Variants in TF observed in about 807,000 individuals in gnomAD.
TF encodes the protein transferrin.
In TF, 55 loss-of-function variants were observed where a neutral mutation model predicts 82.4. The ratio of observed to expected loss-of-function variants is 0.67; its 90% CI spans 0.54 to 0.84. The LOEUF is 0.84. Ranked by LOEUF, TF falls within the 40% of genes least tolerant of loss-of-function variation. The pLI is 0.00. For missense variants in TF, 737 were observed against 868.4 expected (o/e 0.85, Z 1.90); for synonymous variants, 332 against 332.6 (o/e 1.00, Z 0.02).
chr3:133,756,080 T>G (rs1428342003), intron 5 of TF, among the ~76,000 whole-genome samples: 1 of 152,194 alleles, frequency 6.6e-6, no homozygotes, highest in Non-Finnish European at 1.5e-5. Flanking sequence ...TTCTTTGGGT[T>G]ATGAGGGCTT....
At position 133,786,550 on chromosome 3, in the gene TF, G is replaced by A. The variant is rs1934692385; in HGVS notation, c.*7930G>A. ...TATCTGGGTATATTGTGGATCTAAA[G>A]GACAAATGAGTCCTGACTTTACATC... On this transcript the variant is annotated 3_prime_UTR_variant, in exon 17 of 17. Transcript: ENST00000402696. The A allele has an allele frequency of 6.6e-6, 1 of 152,172 alleles. No individual in the cohort carries two copies. The highest frequency in any genetic ancestry group is 1.5e-5 in the Non-Finnish European group (1 of 68,024). The allele number at this position is 152,172 out of a possible 1,614,324, so 9.4% of individuals were successfully genotyped here.
the TF span, among the ~76,000 whole-genome samples, chr3:133,679,696 T>G: frequency 6.6e-6 from 1 of 151,412 alleles, no homozygotes; most frequent in African/African-American, 2.4e-5. Context: ...TTACCACAGC[T>G]TATTCACCCA....
Position 133,753,660 on chromosome 3 carries a change from T to A in TF, c.282T>A (p.Asn94Lys), listed in dbSNP as rs764707467. ...TGTATGATGCTTACCTGGCTCCCAATAACCTGAAGCCTGTGGTGGCAGAGT... is the reference window on the plus strand; with the variant it reads ...TGTATGATGCTTACCTGGCTCCCAAAAACCTGAAGCCTGTGGTGGCAGAGT... ...GLVYDAYLAP[N>K]NLKPVVAEFY... is the part of the protein sequence containing the mutation. The change falls in exon 3 of 17, where the codon AAT becomes AAA. Residue 94 changes from asparagine (N) to lysine (K), a missense_variant. Transcript: ENST00000402696. The A allele has an allele frequency of 7.4e-6, 12 of 1,614,180 alleles. No homozygotes were observed. Among genetic ancestry groups the A allele is most frequent in the South Asian group, 3.3e-5 (3 of 91,082 alleles).
the TF span, among the ~76,000 whole-genome samples, chr3:133,701,619 G>A: frequency 6.6e-6 from 1 of 152,282 alleles, no homozygotes; most frequent in East Asian, 1.9e-4. Flanking sequence ...ATGCTTCCTG[G>A]ATGGGGAGCC....
the TF span, among the ~76,000 whole-genome samples, chr3:133,734,144 T>C: frequency 6.6e-6 from 1 of 152,118 alleles, no homozygotes; most frequent in Non-Finnish European, 1.5e-5. Context: ...AACTCATGGT[T>C]GTGTAAGGGT....
rs1421932326 is a variant in TF, at chr3:133,768,316, G to A, written c.1622+152G>A. The A allele has an allele frequency of 2.3e-5, 25 of 1,087,578 alleles. No homozygotes were observed. In the East Asian group the frequency reaches 5.7e-4, roughly 25 times the overall value. 67.4% of individuals were successfully genotyped at this position (1,087,578 alleles called of 1,614,324 possible). On this transcript the variant is annotated intron_variant, in intron 13 of 16. Transcript: ENST00000402696. The stretch of plus-strand genomic sequence containing the variant: ...CACAACCAGATATAGAGCCACATGG[G>A]GAGGGGCAGCCAGACTCCCCCAGGA...
rs1033771414 is a variant in TF at position 133,791,872 on chromosome 3, T to C, written c.*13252T>C. The C allele has an allele frequency of 6.6e-6, 1 of 152,214 alleles. No homozygotes were observed. The highest frequency in any genetic ancestry group is 2.4e-5 in the African/African-American group (1 of 41,458). The allele number at this position is 152,214 out of a possible 1,614,324, so 9.4% of individuals were successfully genotyped here. A position where few individuals can be genotyped will look rare whatever the true frequency, so the allele number is the denominator to read the frequency against. ...GTACTATAAAAGAGCATTAATTAATTAGCTTAATAATAATAAGAGCTTAAA... is the reference window on the plus strand; with the variant it reads ...GTACTATAAAAGAGCATTAATTAATCAGCTTAATAATAATAAGAGCTTAAA... On this transcript the variant is annotated 3_prime_UTR_variant, in exon 17 of 17. Transcript: ENST00000402696.
At position 133,786,555 on chromosome 3, in the gene TF, A is replaced by T. The variant is rs1333820625; in HGVS notation, c.*7935A>T. The T allele has an allele frequency of 1.3e-5, 2 of 152,206 alleles. No homozygotes were observed. Among genetic ancestry groups the T allele is most frequent in the African/African-American group, 4.8e-5 (2 of 41,448 alleles). 9.4% of individuals were successfully genotyped at this position (152,206 alleles called of 1,614,324 possible). A position where few individuals can be genotyped will look rare whatever the true frequency, so the allele number is the denominator to read the frequency against. ...GGGTATATTGTGGATCTAAAGGACA[A>T]ATGAGTCCTGACTTTACATCTAGTC... On this transcript the variant is annotated 3_prime_UTR_variant, in exon 17 of 17. Coordinates refer to ENST00000402696, the MANE Select transcript of TF (RefSeq NM_001063.4).
chr3:133,782,358 T>C lies in TF; in HGVS notation c.*3738T>C, dbSNP rs577160904. The C allele has an allele frequency of 2.0e-5, 3 of 152,190 alleles. No homozygotes were observed. The East Asian group carries it at 5.8e-4, about 29-fold the overall frequency. The allele number at this position is 152,190 out of a possible 1,614,324, so 9.4% of individuals were successfully genotyped here. On this transcript the variant is annotated 3_prime_UTR_variant, in exon 17 of 17. Transcript: ENST00000402696. Reference sequence around the variant, plus strand: ...ATGTGATCCCACGTTCATTGCAGCATTGCAGCCAATATAGGGAAGCAACCT... The same window carrying C: ...ATGTGATCCCACGTTCATTGCAGCACTGCAGCCAATATAGGGAAGCAACCT...
At chr3:133,669,371 T>C in the TF span, among the ~76,000 whole-genome samples, 1 of 152,158 alleles carries the variant, frequency 6.6e-6, no homozygotes, top group Non-Finnish European at 1.5e-5. Flanking sequence ...TGTCTAAAAG[T>C]CTGTTTTCTG....
intron 1 of TF, among the ~76,000 whole-genome samples, chr3:133,747,986 T>C (rs955848185): frequency 4.6e-5 from 7 of 151,632 alleles, no homozygotes; most frequent in Admixed American, 1.3e-4. Context: ...CTCAAAAAGA[T>C]GGCAATTCCT....
At chr3:133,763,191 G>T (rs977913839) in intron 9 of TF, among the ~76,000 whole-genome samples, 12 of 151,866 alleles carry the variant, frequency 7.9e-5, no homozygotes, top group African/African-American at 2.4e-4. Context: ...TGTGTAGAGG[G>T]AGTTATGGAA....
At chr3:133,725,879 T>A in the TF span, among the ~76,000 whole-genome samples, 1 of 152,242 alleles carries the variant, frequency 6.6e-6, no homozygotes, top group Non-Finnish European at 1.5e-5. Context: ...GTTGTTGAAT[T>A]TTGTCAAATG....
At chr3:133,733,894 C>T in the TF span, among the ~76,000 whole-genome samples, 438 of 151,424 alleles carry the variant, frequency 2.9e-3, 3 homozygotes, top group African/African-American at 9.9e-3. Context: ...TGTATTTATT[C>T]TATTCTCGTT....
chr3:133,759,032 TA>T, intron 8 of TF, 142 bp from the exon 9 acceptor site: 1 of 1,118,656 alleles, frequency 8.9e-7, no homozygotes, highest in Non-Finnish European at 1.3e-6. Context: ...CTTTGCTTTC[TA>T]AGGTGATTAA....
chr3:133,726,925 C>T, the TF span, among the ~76,000 whole-genome samples: 1 of 152,090 alleles, frequency 6.6e-6, no homozygotes, highest in African/African-American at 2.4e-5. Context: ...ACCCAGTAGT[C>T]ATTCAGGAGC....
At chr3:133,672,745 G>A in the TF span, among the ~76,000 whole-genome samples, 1 of 142,464 alleles carries the variant, frequency 7.0e-6, no homozygotes, top group African/African-American at 2.6e-5. Flanking sequence ...GGAGGGGAAG[G>A]GGAGGGAAAG....
rs1483090748 is a variant in TF at position 133,791,539 on chromosome 3, T to A, written c.*12919T>A. ...ACTGTTTATCTCCTCTGTAAAGTTT[T>A]GATTAATATAAAAAAAGAATTCTGA... On this transcript the variant is annotated 3_prime_UTR_variant, in exon 17 of 17. Transcript: ENST00000402696. 1 of 152,218 alleles carries A rather than the reference T, an allele frequency of 6.6e-6. No individual in the cohort carries two copies. Among genetic ancestry groups the A allele is most frequent in the African/African-American group, 2.4e-5 (1 of 41,456 alleles). 9.4% of individuals were successfully genotyped at this position (152,218 alleles called of 1,614,324 possible).
rs1934608813 is a variant in TF, at chr3:133,784,531, T to G, written c.*5911T>G. The G allele has an allele frequency of 6.6e-6, 1 of 151,132 alleles. No homozygotes were observed. Among genetic ancestry groups the G allele is most frequent in the South Asian group, 2.1e-4 (1 of 4,770 alleles). 9.4% of individuals were successfully genotyped at this position (151,132 alleles called of 1,614,324 possible). ...ATAGGACATAAATGGCTTCTGGAGATGACTTTTTGCAATGAAGTTGTTAGA... is the reference window on the plus strand; with the variant it reads ...ATAGGACATAAATGGCTTCTGGAGAGGACTTTTTGCAATGAAGTTGTTAGA... On this transcript the variant is annotated 3_prime_UTR_variant, in exon 17 of 17. Transcript: ENST00000402696.
Sources: gnomAD v4.1 joint callset for allele counts (sites outside exome capture counted in the v4.1 genomes callset) on GRCh38, gnomAD v4.1.1 for gene constraint, MANE v1.5 for transcripts, NCBI Gene and HGNC (gene_info 2026-07-23, HGNC 2026-07-21) for gene names.